Variants in RAPGEF1 observed in about 807,000 individuals in gnomAD.
RAPGEF1 encodes the protein CRK SH3-binding GNRP.
A neutral mutation model predicts 143.3 loss-of-function variants in RAPGEF1; 33 were observed. The observed-to-expected ratio is 0.23, with a 90% CI of 0.17 to 0.31. The LOEUF (loss-of-function observed/expected upper bound fraction) is 0.31, where lower values mean the gene tolerates loss of function less well. Among genes scored for constraint, RAPGEF1 ranks in the 10% least tolerant of loss-of-function variants. The probability of loss-of-function intolerance (pLI) is 1.00; values close to 1 mark genes in which losing one functional copy is unlikely to be tolerated. For synonymous variants in RAPGEF1, 629 were observed against 676.5 expected (o/e 0.93, Z 1.09); for missense variants, 1,199 against 1,645.4 (o/e 0.73, Z 4.69).
At chr9:131,705,286 G>GC (rs956449638) in intron 1 of RAPGEF1, among the ~76,000 whole-genome samples, 3 of 152,280 alleles carry the variant, frequency 2.0e-5, no homozygotes, top group African/African-American at 7.2e-5. Context: ...CAGGCACCGT[G>GC]CAAGTGCTGG....
chr9:131,644,114 C>T (rs1439505683), intron 3 of RAPGEF1, among the ~76,000 whole-genome samples: 1 of 152,192 alleles, frequency 6.6e-6, no homozygotes, highest in Non-Finnish European at 1.5e-5. Flanking sequence ...TTCATGGTCC[C>T]TCTGCTCCTG....
chr9:131,724,606 A>G (rs1420755385), intron 1 of RAPGEF1, among the ~76,000 whole-genome samples: 1 of 152,222 alleles, frequency 6.6e-6, no homozygotes, highest in African/African-American at 2.4e-5. Context: ...GAAAAAAAAA[A>G]GTCCACTCCT....
intron 1 of RAPGEF1, among the ~76,000 whole-genome samples, chr9:131,717,229 A>G (rs551692321): frequency 3.5e-4 from 53 of 152,252 alleles, no homozygotes; most frequent in African/African-American, 1.2e-3. Context: ...AGAGCCACTC[A>G]CTGCTGATGG....
chr9:131,712,777 A>C (rs184192983), intron 1 of RAPGEF1, among the ~76,000 whole-genome samples: 2 of 152,110 alleles, frequency 1.3e-5, no homozygotes, highest in African/African-American at 4.8e-5. Flanking sequence ...TCCTTGAGAG[A>C]ACAGCTTTGA....
At chr9:131,590,094 A>G (rs1052615603) in intron 18 of RAPGEF1, 116 bp from the exon 19 acceptor site, 7 of 889,170 alleles carry the variant, frequency 7.9e-6, no homozygotes. Flanking sequence ...CCTGCATGTA[A>G]AGCACTGGCA....
rs1952472975 is a variant in RAPGEF1, at chr9:131,584,970, GGGGA to G, written c.3234-378_3234-375del. Among the ~76,000 whole-genome samples, 1 of 152,174 alleles carries G rather than the reference GGGGA, an allele frequency of 6.6e-6. No homozygotes were observed. The highest frequency in any genetic ancestry group is 1.5e-5 in the Non-Finnish European group (1 of 68,024). The stretch of plus-strand genomic sequence containing the variant: ...TCCTTGTGTGATGCAGGACTGGCTC[GGGGA>G]GACCCGCTAGCACGTGAGGTAAGAG... On this transcript the variant is annotated intron_variant, in intron 22 of 26. Transcript: ENST00000683357. This position sits in a 1 kb window ranked among gnomAD's most constrained non-coding sequence, Gnocchi z 6.8.
Position 131,725,904 on chromosome 9 carries a change from G to A in RAPGEF1, c.61+13866C>T, listed in dbSNP as rs896980890. ...CTCCCGAGTAGCTGGGACTACAGGC[G>A]CGTGCCACCATGCCCAGCTAATTTT... On this transcript the variant is annotated intron_variant, in intron 1 of 26. Transcript: ENST00000683357. Among the ~76,000 whole-genome samples the A allele has an allele frequency of 7.9e-5, 12 of 151,870 alleles. No individual in the cohort carries two copies. The East Asian group carries it at 1.2e-3, about 15-fold the overall frequency.
intron 12 of RAPGEF1, among the ~76,000 whole-genome samples, 186 bp downstream of exon 12, chr9:131,618,865 C>T (rs1423589535): frequency 6.6e-6 from 1 of 152,224 alleles, no homozygotes; most frequent in African/African-American, 2.4e-5. Flanking sequence ...CCCTGCCTCA[C>T]CTGGATGCCT....
chr9:131,706,995 C>T (rs1429213514), intron 1 of RAPGEF1, among the ~76,000 whole-genome samples: 1 of 152,260 alleles, frequency 6.6e-6, no homozygotes, highest in East Asian at 1.9e-4. Context: ...ACCTGTCTGT[C>T]TGTATACCCA....
chr9:131,648,373 A>G (rs569295371), intron 3 of RAPGEF1, among the ~76,000 whole-genome samples: 7 of 152,362 alleles, frequency 4.6e-5, no homozygotes, highest in Non-Finnish European at 8.8e-5. Context: ...CCTGGGCGAC[A>G]GAGTGAGACT....
Position 131,584,193 on chromosome 9 carries a change from A to C in RAPGEF1, c.3414+118T>G. The C allele has an allele frequency of 1.1e-6, 1 of 905,654 alleles. No individual in the cohort carries two copies. The highest frequency in any genetic ancestry group is 1.6e-5 in the South Asian group (1 of 64,170). 56.1% of individuals were successfully genotyped at this position (905,654 alleles called of 1,614,324 possible). A position where few individuals can be genotyped will look rare whatever the true frequency, so the allele number is the denominator to read the frequency against. On this transcript the variant is annotated intron_variant, in intron 24 of 26. Transcript: ENST00000683357. This position sits in a 1 kb window ranked among gnomAD's most constrained non-coding sequence, Gnocchi z 6.8. ...TCACACAGCATGTCGGTGGCAGAGC[A>C]GGGGCCTAGGCCCAGCATTTGCTCC...
At chr9:131,649,200 A>ATTTTTTTTTTTTTTTTTTTTTTTT (rs55813422) in intron 3 of RAPGEF1, among the ~76,000 whole-genome samples, 4 of 87,236 alleles carry the variant, frequency 4.6e-5, no homozygotes, top group African/African-American at 4.6e-5. Context: ...GCCTGGCTAA[A>ATTTTTTTTTTTTTTTTTTTTTTTT]TTTTTTTTTT....
chr9:131,589,938 G>A lies in RAPGEF1; in HGVS notation c.2815C>T (p.Arg939Cys). ...FSPFADTFKK[R>C]VSKNTFFVLV... ...ACGAAGAACGTGTTCTTGCTGACGC[G>A]CTTCTTGAATGTGTCGGCAAAGGGA... The change falls in exon 19 of 27, where the codon CGC (arginine) becomes TGC (cysteine). Residue 939 changes from arginine to cysteine, a missense_variant. Transcript: ENST00000683357. 6.2e-7 allele frequency: 1 copy of A among 1,613,826 alleles called. No individual in the cohort carries two copies. The highest frequency in any genetic ancestry group is 8.5e-7 in the Non-Finnish European group (1 of 1,179,810).
intron 1 of RAPGEF1, among the ~76,000 whole-genome samples, chr9:131,733,852 T>A (rs1036059038): frequency 1.3e-5 from 2 of 152,204 alleles, no homozygotes; most frequent in Admixed American, 1.3e-4. Flanking sequence ...AGCTCACACA[T>A]GACTCATCTC....
At chr9:131,718,700 G>T (rs1237608486) in intron 1 of RAPGEF1, among the ~76,000 whole-genome samples, 1 of 152,126 alleles carries the variant, frequency 6.6e-6, no homozygotes, top group Non-Finnish European at 1.5e-5. Flanking sequence ...CTGTGATAGG[G>T]GAACCCAAGG....
rs140743473 is a variant in RAPGEF1, at chr9:131,586,214, G to GCACA, written c.3233+1518_3233+1521dup. 6.5e-3 allele frequency among the ~76,000 whole-genome samples: 804 copies of GCACA among 124,602 alleles called. 20 individuals carry two copies. The highest frequency in any genetic ancestry group is 0.024 in the African/African-American group (766 of 32,162). 81.7% of individuals were successfully genotyped at this position (124,602 alleles called of 152,430 possible). The stretch of plus-strand genomic sequence containing the variant: ...CCGTCTCAAACACACACACACGCAC[G>GCACA]CACACACACACACACACACCTGCAG... On this transcript the variant is annotated intron_variant, in intron 22 of 26. Coordinates refer to ENST00000683357, the MANE Select transcript of RAPGEF1 (RefSeq NM_001377935.1).
intron 1 of RAPGEF1, among the ~76,000 whole-genome samples, chr9:131,729,372 T>C (rs1339418553): frequency 6.6e-6 from 1 of 152,158 alleles, no homozygotes; most frequent in Non-Finnish European, 1.5e-5. Context: ...GGAACTACTT[T>C]AACTCGTAAG....
intron 1 of RAPGEF1, among the ~76,000 whole-genome samples, chr9:131,715,040 A>C (rs1835765981): frequency 6.6e-6 from 1 of 151,994 alleles, no homozygotes; most frequent in Admixed American, 6.6e-5. Flanking sequence ...TTTCCTGTCC[A>C]GGCCTGGAGG....
chr9:131,643,473 G>GA, intron 3 of RAPGEF1, 56 bp from the exon 4 acceptor site: 3 of 1,489,484 alleles, frequency 2.0e-6, no homozygotes, highest in Non-Finnish European at 2.7e-6. Flanking sequence ...GAGCTATTTT[G>GA]AAAAAATAAA....
Sources: allele counts gnomAD v4.1 joint callset (sites outside exome capture counted in the v4.1 genomes callset), GRCh38; gene constraint gnomAD v4.1.1; non-coding constraint Gnocchi (gnomAD v3.1); transcripts MANE v1.5; gene names NCBI Gene and HGNC (gene_info 2026-07-23, HGNC 2026-07-21).